Variants in MARCHF11 observed in about 807,000 individuals in gnomAD.
The protein encoded by MARCHF11 is membrane associated ring-CH-type finger 11.
MARCHF11 carries 29 observed loss-of-function variants against 37.3 expected under a neutral mutation model. That is an observed-to-expected ratio of 0.78 (90% confidence interval 0.58 to 1.06). The LOEUF (loss-of-function observed/expected upper bound fraction) is 1.06. Ranked by LOEUF, MARCHF11 falls within the 50% of genes least tolerant of loss-of-function variation. The probability of loss-of-function intolerance (pLI) is 0.00; values close to 1 mark genes in which losing one functional copy is unlikely to be tolerated. For synonymous variants in MARCHF11, 233 were observed against 228.0 expected, an observed-to-expected ratio of 1.02 and a Z score of -0.20; for missense variants, 482 against 533.4, an observed-to-expected ratio of 0.90 and a Z score of 0.95.
chr5:16,138,500 G>A lies in MARCHF11; in HGVS notation c.693+39226C>T, dbSNP rs1737648107. On this transcript the variant is annotated intron_variant, in intron 2 of 3. Coordinates refer to ENST00000332432, the MANE Select transcript of MARCHF11 (RefSeq NM_001102562.3). ...GCCCTCATGGAGAACCTCTGCTAGG[G>A]CAATGCAGAAGGGAAATATGGGGTC... is the stretch of plus-strand genomic sequence containing the variant. 3.9e-5 allele frequency among the ~76,000 whole-genome samples: 6 copies of A among 152,278 alleles called. No individual in the cohort carries two copies. In the South Asian group the frequency reaches 1.2e-3, roughly 32 times the overall value.
At chr5:16,080,082 C>T (rs1009435363) in intron 3 of MARCHF11, among the ~76,000 whole-genome samples, 2 of 152,238 alleles carry the variant, frequency 1.3e-5, no homozygotes, top group African/African-American at 4.8e-5. Context: ...CTGGCTTCTA[C>T]CCTCATTTAA....
At chr5:16,103,852 C>T (rs925587679) in intron 2 of MARCHF11, among the ~76,000 whole-genome samples, 7 of 152,098 alleles carry the variant, frequency 4.6e-5, no homozygotes, top group Admixed American at 2.0e-4. Context: ...GCAGATGAGA[C>T]GCCATGTGGA....
rs1738420852 is a variant in MARCHF11 at position 16,179,203 on chromosome 5, C to G, written c.373G>C (p.Gly125Arg). The change falls in exon 1 of 4, where the codon GGC (glycine) becomes CGC (arginine). Residue 125 changes from glycine to arginine, a missense_variant. Physicochemically the swap from Gly to Arg is moderately radical, Grantham distance 125. Transcript: ENST00000332432. ...AKGGPGESEA[G>R]AGGERERRGA... ...CGCCGCTCGCGCTCGCCGCCCGCGC[C>G]GGCCTCAGACTCCCCGGGGCCGCCT... is the stretch of plus-strand genomic sequence containing the variant. 4 of 1,337,844 alleles carry G rather than the reference C, an allele frequency of 3.0e-6. No homozygotes were observed. Among genetic ancestry groups the G allele is most frequent in the African/African-American group, 1.5e-5 (1 of 64,782 alleles). The allele number at this position is 1,337,844 out of a possible 1,614,324, so 82.9% of individuals were successfully genotyped here. A position where few individuals can be genotyped will look rare whatever the true frequency, so the allele number is the denominator to read the frequency against.
intron 2 of MARCHF11, among the ~76,000 whole-genome samples, chr5:16,091,289 T>C (rs180860934): frequency 6.6e-6 from 1 of 152,332 alleles, no homozygotes; most frequent in East Asian, 1.9e-4. Context: ...TTATTTTCAG[T>C]AATTCACCAT....
chr5:16,120,280 G>C (rs1417361248), intron 2 of MARCHF11, among the ~76,000 whole-genome samples: 2 of 152,192 alleles, frequency 1.3e-5, no homozygotes, highest in South Asian at 2.1e-4. Context: ...ATGACTGAAA[G>C]AGTGAATCAA....
chr5:16,094,210 G>A (rs999429338), intron 2 of MARCHF11, among the ~76,000 whole-genome samples: 6 of 152,046 alleles, frequency 3.9e-5, no homozygotes, highest in African/African-American at 2.4e-5. Context: ...TCATTCTTCC[G>A]CTAGAAGAAA....
chr5:16,084,857 A>C (rs1736670058), intron 3 of MARCHF11, among the ~76,000 whole-genome samples: 1 of 151,944 alleles, frequency 6.6e-6, no homozygotes, highest in Non-Finnish European at 1.5e-5. Flanking sequence ...AAAATTCCCT[A>C]ATCTCTGTAG....
At chr5:16,094,517 A>ACGTGTGTGTGTGTGTGCG (rs1736834235) in intron 2 of MARCHF11, among the ~76,000 whole-genome samples, 1 of 151,786 alleles carries the variant, frequency 6.6e-6, no homozygotes, top group Non-Finnish European at 1.5e-5. Context: ...GTCTGTGTGT[A>ACGTGTGTGTGTGTGTGCG]CGTGTGTGTG....
At chr5:16,156,745 C>G (rs754750882) in intron 2 of MARCHF11, among the ~76,000 whole-genome samples, 1 of 151,814 alleles carries the variant, frequency 6.6e-6, no homozygotes, top group Admixed American at 6.6e-5. Flanking sequence ...CTTACACAAA[C>G]TTAAATGGTA....
At position 16,165,822 on chromosome 5, in the gene MARCHF11, T is replaced by A. The variant is rs2591985; in HGVS notation, c.693+11904A>T. Among the ~76,000 whole-genome samples, 5 of 151,926 alleles carry A rather than the reference T, an allele frequency of 3.3e-5. No homozygotes were observed. In the East Asian group the frequency reaches 9.7e-4, roughly 30 times the overall value. The stretch of plus-strand genomic sequence containing the variant: ...TCTCGATTGTAAAGGTATTTCCTCA[T>A]CCTTTCCACTCTATTACCAATCTAC... On this transcript the variant is annotated intron_variant, in intron 2 of 3. Transcript: ENST00000332432.
chr5:16,175,985 T>C (rs1336692675), intron 2 of MARCHF11, among the ~76,000 whole-genome samples: 2 of 152,238 alleles, frequency 1.3e-5, no homozygotes, highest in African/African-American at 2.4e-5. Context: ...GAAAATCATA[T>C]GCACAGTTTG....
At chr5:16,175,449 G>T (rs1377944678) in intron 2 of MARCHF11, among the ~76,000 whole-genome samples, 1 of 152,134 alleles carries the variant, frequency 6.6e-6, no homozygotes, top group Non-Finnish European at 1.5e-5. Context: ...CAACAGGGCG[G>T]CTAAGACAGT....
chr5:16,097,723 C>A (rs1736895489), intron 2 of MARCHF11, among the ~76,000 whole-genome samples: 1 of 152,258 alleles, frequency 6.6e-6, no homozygotes, highest in South Asian at 2.1e-4. Context: ...ATAACAAACA[C>A]CTCCAGGACC....
At chr5:16,153,792 G>C (rs547297910) in intron 2 of MARCHF11, among the ~76,000 whole-genome samples, 1 of 151,946 alleles carries the variant, frequency 6.6e-6, no homozygotes, top group Non-Finnish European at 1.5e-5. Flanking sequence ...CTTACAGTTT[G>C]ATGTGATCAT....
intron 3 of MARCHF11, among the ~76,000 whole-genome samples, chr5:16,090,049 C>G (rs1446030525): frequency 6.6e-6 from 1 of 152,200 alleles, no homozygotes; most frequent in Non-Finnish European, 1.5e-5. Flanking sequence ...GGCCCCACCC[C>G]TGATGTTCCT....
chr5:16,136,028 A>G (rs539101537), intron 2 of MARCHF11, among the ~76,000 whole-genome samples: 1 of 152,288 alleles, frequency 6.6e-6, no homozygotes, highest in East Asian at 1.9e-4. Flanking sequence ...AAGGCAGACC[A>G]AGGCTTGATT....
chr5:16,111,611 T>G (rs958422783), intron 2 of MARCHF11, among the ~76,000 whole-genome samples: 2 of 152,164 alleles, frequency 1.3e-5, no homozygotes, highest in African/African-American at 2.4e-5. Flanking sequence ...TTCAGAAAAT[T>G]TGCAGCCTGA....
At chr5:16,142,364 G>A (rs922712354) in intron 2 of MARCHF11, among the ~76,000 whole-genome samples, 3 of 152,136 alleles carry the variant, frequency 2.0e-5, no homozygotes, top group African/African-American at 7.2e-5. Flanking sequence ...AAATAGCAAC[G>A]CTGGAAGTAA....
At chr5:16,161,635 C>A (rs555720069) in intron 2 of MARCHF11, among the ~76,000 whole-genome samples, 1 of 151,980 alleles carries the variant, frequency 6.6e-6, no homozygotes, top group East Asian at 1.9e-4. Context: ...ACTGGCTTCC[C>A]AGCATCTTAC....
Sources: allele counts gnomAD v4.1 joint callset (sites outside exome capture counted in the v4.1 genomes callset), GRCh38; gene constraint gnomAD v4.1.1; transcripts MANE v1.5; gene names NCBI Gene and HGNC (gene_info 2026-07-23, HGNC 2026-07-21).